The following FAF1 variants were observed in gnomAD, a reference collection of about 807,000 sequenced individuals.
FAF1 encodes the protein Fas associated factor 1.
FAF1 carries 25 observed loss-of-function variants against 92.5 expected under a neutral mutation model. That is an observed-to-expected ratio of 0.27 (90% CI 0.20 to 0.38). The LOEUF (loss-of-function observed/expected upper bound fraction) is 0.38. Ranked by LOEUF, FAF1 falls within the 10% of genes least tolerant of loss-of-function variation. FAF1 has a pLI of 1.00. For missense variants in FAF1, 636 were observed against 793.3 expected, an observed-to-expected ratio of 0.80 and a Z score of 2.38; for synonymous variants, 234 against 273.2, an observed-to-expected ratio of 0.86 and a Z score of 1.42.
intron 13 of FAF1, among the ~76,000 whole-genome samples, chr1:50,556,459 T>C (rs1572831424): frequency 6.6e-6 from 1 of 151,952 alleles, no homozygotes; most frequent in Non-Finnish European, 1.5e-5. Flanking sequence ...GAAAGACGGG[T>C]ATGCTAAAAA....
intron 17 of FAF1, among the ~76,000 whole-genome samples, chr1:50,476,012 T>C (rs1252961377): frequency 6.6e-6 from 1 of 152,166 alleles, no homozygotes; most frequent in Non-Finnish European, 1.5e-5. Context: ...AATTGATACC[T>C]TTCTAGGGTA....
At chr1:50,730,093 G>A (rs1471702717) in intron 6 of FAF1, among the ~76,000 whole-genome samples, 3 of 152,092 alleles carry the variant, frequency 2.0e-5, no homozygotes, top group African/African-American at 4.8e-5. Context: ...GGTGAAGGGG[G>A]TTGGAGCAGC....
intron 9 of FAF1, among the ~76,000 whole-genome samples, chr1:50,587,862 A>C (rs911266862): frequency 7.2e-5 from 11 of 152,180 alleles, no homozygotes; most frequent in African/African-American, 2.7e-4. Flanking sequence ...CCTGGAGGAG[A>C]TGATAACTAA....
intron 8 of FAF1, among the ~76,000 whole-genome samples, chr1:50,622,516 T>G (rs1345829565): frequency 6.6e-6 from 1 of 152,210 alleles, no homozygotes; most frequent in African/African-American, 2.4e-5. Flanking sequence ...TAGTTAGCTA[T>G]CTCATCCACT....
intron 6 of FAF1, among the ~76,000 whole-genome samples, 159 bp downstream of exon 6, chr1:50,738,704 G>A (rs1232519083): frequency 1.3e-5 from 2 of 152,126 alleles, no homozygotes; most frequent in Non-Finnish European, 2.9e-5. Flanking sequence ...AAACTATCCA[G>A]AACAAACTGT....
intron 1 of FAF1, among the ~76,000 whole-genome samples, chr1:50,867,679 T>G (rs772227951): frequency 3.3e-5 from 5 of 152,054 alleles, no homozygotes; most frequent in Non-Finnish European, 7.4e-5. Flanking sequence ...CTAAAAAAAT[T>G]ATAGCTGTTG....
intron 2 of FAF1, among the ~76,000 whole-genome samples, chr1:50,807,569 T>C (rs140295343): frequency 9.9e-4 from 150 of 152,202 alleles, no homozygotes; most frequent in African/African-American, 1.5e-3. Context: ...TCCCCCAACA[T>C]TGGGAATTAC....
At chr1:50,802,822 C>T (rs1209540720) in intron 2 of FAF1, among the ~76,000 whole-genome samples, 2 of 152,174 alleles carry the variant, frequency 1.3e-5, no homozygotes, top group Admixed American at 6.5e-5. Flanking sequence ...AAACACCTAC[C>T]AATTCAATGT....
chr1:50,626,056 CA>C (rs2124192291), intron 8 of FAF1, among the ~76,000 whole-genome samples: 1 of 152,220 alleles, frequency 6.6e-6, no homozygotes, highest in African/African-American at 2.4e-5. Context: ...TTGCATATTC[CA>C]AAATCAAAGT....
chr1:50,857,694 C>A (rs1201029563), intron 2 of FAF1, among the ~76,000 whole-genome samples: 1 of 151,710 alleles, frequency 6.6e-6, no homozygotes, highest in African/African-American at 2.4e-5. Flanking sequence ...CCATAACACA[C>A]AGTAAAATAA....
At chr1:50,574,646 A>G (rs1301121929) in intron 12 of FAF1, among the ~76,000 whole-genome samples, 1 of 152,190 alleles carries the variant, frequency 6.6e-6, no homozygotes, top group Non-Finnish European at 1.5e-5. Context: ...TAGCCTACTT[A>G]TATCTACTTC....
chr1:50,729,447 A>G (rs1370025000), intron 6 of FAF1, among the ~76,000 whole-genome samples: 1 of 151,838 alleles, frequency 6.6e-6, no homozygotes, highest in African/African-American at 2.4e-5. Flanking sequence ...TCAAGATTAT[A>G]TGAACATCAT....
At chr1:50,633,419 A>T (rs1448896592) in intron 8 of FAF1, among the ~76,000 whole-genome samples, 2 of 152,198 alleles carry the variant, frequency 1.3e-5, no homozygotes, top group African/African-American at 4.8e-5. Flanking sequence ...TGGTGTTGGT[A>T]TGAAGTGGCA....
chr1:50,820,847 ATGTGTGTGTG>A (rs59160200), intron 2 of FAF1, among the ~76,000 whole-genome samples: 3 of 149,714 alleles, frequency 2.0e-5, no homozygotes, highest in Admixed American at 2.0e-4. Context: ...CTGAATAATA[ATGTGTGTGTG>A]TGTGTGTGTA....
intron 18 of FAF1, among the ~76,000 whole-genome samples, chr1:50,443,576 C>A (rs1457438274): frequency 1.3e-5 from 2 of 152,144 alleles, no homozygotes; most frequent in African/African-American, 4.8e-5. Context: ...GTGAAGCAAA[C>A]CTAGAGTCAA....
intron 7 of FAF1, among the ~76,000 whole-genome samples, chr1:50,662,683 C>CTTTTTTTTTTTTTTTTTTTTTT (rs58193277): frequency 1.3e-5 from 1 of 77,578 alleles, no homozygotes; most frequent in Non-Finnish European, 2.3e-5. Context: ...GAATTTGTAT[C>CTTTTTTTTTTTTTTTTTTTTTT]TTTTTTTTTT....
At chr1:50,450,822 T>A (rs1374154866) in intron 18 of FAF1, among the ~76,000 whole-genome samples, 1 of 152,170 alleles carries the variant, frequency 6.6e-6, no homozygotes, top group Non-Finnish European at 1.5e-5. Flanking sequence ...TAATAATAAT[T>A]ATTATAAACA....
At chr1:50,627,806 G>A (rs1384926826) in intron 8 of FAF1, among the ~76,000 whole-genome samples, 1 of 151,412 alleles carries the variant, frequency 6.6e-6, no homozygotes, top group African/African-American at 2.4e-5. Context: ...CATGATTTGT[G>A]TATTTTCCTA....
intron 15 of FAF1, among the ~76,000 whole-genome samples, chr1:50,522,297 G>C (rs1647541690): frequency 6.6e-6 from 1 of 152,124 alleles, no homozygotes. Flanking sequence ...TCAAAAGCCT[G>C]TAAGTGTGTA....
Sources: allele counts gnomAD v4.1 joint callset (sites outside exome capture counted in the v4.1 genomes callset), GRCh38; gene constraint gnomAD v4.1.1; transcripts MANE v1.5; gene names NCBI Gene and HGNC (gene_info 2026-07-23, HGNC 2026-07-21).